Variants in HDAC4 observed in about 807,000 individuals in gnomAD.
HDAC4 encodes the protein histone deacetylase A.
In HDAC4, 16 loss-of-function variants were observed where a neutral mutation model predicts 135.1. The observed-to-expected ratio is 0.12, with a 90% confidence interval of 0.08 to 0.18. The LOEUF is 0.18. Among genes scored for constraint, HDAC4 ranks in the 10% least tolerant of loss-of-function variants. The pLI, the probability that HDAC4 is intolerant of heterozygous loss-of-function variation, is 1.00. For missense variants in HDAC4, 1,143 were observed against 1,511.8 expected, an observed-to-expected ratio of 0.76 and a Z score of 4.05; for synonymous variants, 685 against 653.4, an observed-to-expected ratio of 1.05 and a Z score of -0.74.
At chr2:239,398,871 AG>A in intron 1 of HDAC4, among the ~76,000 whole-genome samples, 1 of 152,352 alleles carries the variant, frequency 6.6e-6, no homozygotes, top group African/African-American at 2.4e-5. Context: ...CTCCCCTTGC[AG>A]GAGAAAGAAC....
At chr2:239,273,119 T>C (rs66724757) in intron 2 of HDAC4, among the ~76,000 whole-genome samples, 21,090 of 152,068 alleles carry the variant, frequency 0.14, 2,055 homozygotes, top group East Asian at 0.43. Context: ...TGAGGGATTA[T>C]CAGATAAATT....
chr2:239,225,489 TC>T (rs1055841961), intron 3 of HDAC4, among the ~76,000 whole-genome samples: 7 of 152,316 alleles, frequency 4.6e-5, no homozygotes, highest in Admixed American at 3.9e-4. Context: ...ATAGCTGGAC[TC>T]CCACCACCTG....
chr2:239,284,838 G>A (rs2051042574), intron 2 of HDAC4, among the ~76,000 whole-genome samples: 1 of 152,244 alleles, frequency 6.6e-6, no homozygotes, highest in Non-Finnish European at 1.5e-5. Flanking sequence ...AGTCTGGGCT[G>A]CAGACTGGGG....
chr2:239,378,154 T>C (rs1695157466), intron 1 of HDAC4, among the ~76,000 whole-genome samples: 1 of 152,060 alleles, frequency 6.6e-6, no homozygotes, highest in Admixed American at 6.6e-5. Flanking sequence ...CACATAGATC[T>C]GGCCCGGGAG....
At chr2:239,053,191 A>G in intron 26 of HDAC4, 55 bp from the exon 27 acceptor site, 6 of 1,603,890 alleles carry the variant, frequency 3.7e-6, no homozygotes, top group Non-Finnish European at 5.1e-6. Flanking sequence ...CACCACAGAG[A>G]GGAGAGAACA....
At chr2:239,390,714 G>A (rs1696141563) in intron 1 of HDAC4, among the ~76,000 whole-genome samples, 1 of 152,042 alleles carries the variant, frequency 6.6e-6, no homozygotes, top group Non-Finnish European at 1.5e-5. Flanking sequence ...CCTCCAGAGC[G>A]GCACTACCCC....
intron 2 of HDAC4, among the ~76,000 whole-genome samples, chr2:239,284,487 C>T (rs142818677): frequency 1.1e-3 from 164 of 152,288 alleles, no homozygotes; most frequent in African/African-American, 3.8e-3. Flanking sequence ...GCATTGTGGC[C>T]CTCGTAGTCA....
At chr2:239,367,940 T>C (rs1694329574) in intron 1 of HDAC4, among the ~76,000 whole-genome samples, 1 of 152,134 alleles carries the variant, frequency 6.6e-6, no homozygotes, top group Non-Finnish European at 1.5e-5. Context: ...ACCACACCAC[T>C]GCACTCCAGC....
intron 12 of HDAC4, 151 bp downstream of exon 12, chr2:239,126,305 G>T (rs2152850412): frequency 1.5e-6 from 2 of 1,306,038 alleles, no homozygotes; most frequent in Non-Finnish European, 2.1e-6. Flanking sequence ...CCAGCTCTGT[G>T]CTGTGGGCCA....
intron 7 of HDAC4, among the ~76,000 whole-genome samples, chr2:239,155,815 T>C (rs1250465443): frequency 6.6e-6 from 1 of 152,200 alleles, no homozygotes; most frequent in African/African-American, 2.4e-5. Flanking sequence ...CACACTGTCT[T>C]GCAGTTTGTA....
chr2:239,319,446 G>A (rs1312431124), intron 2 of HDAC4, among the ~76,000 whole-genome samples: 1 of 152,264 alleles, frequency 6.6e-6, no homozygotes, highest in Non-Finnish European at 1.5e-5. Context: ...CAGGCCAGGC[G>A]AGGGCCACCT....
At chr2:239,341,821 T>C (rs573510563) in intron 2 of HDAC4, among the ~76,000 whole-genome samples, 84 of 152,052 alleles carry the variant, frequency 5.5e-4, no homozygotes, top group African/African-American at 2.0e-3. Context: ...AATGTTGGCG[T>C]CCCCCCCAAA....
intron 3 of HDAC4, among the ~76,000 whole-genome samples, chr2:239,233,793 A>G (rs1468145832): frequency 2.6e-5 from 4 of 152,228 alleles, no homozygotes; most frequent in African/African-American, 4.8e-5. Flanking sequence ...GTACACACTC[A>G]TCTGTTCAAA....
intron 17 of HDAC4, among the ~76,000 whole-genome samples, chr2:239,093,360 C>T (rs562439024): frequency 1.6e-4 from 24 of 152,256 alleles, no homozygotes; most frequent in South Asian, 4.1e-4. Context: ...GCCCACACTT[C>T]GGCTCCCGAG....
At chr2:239,361,492 C>T (rs546267890) in intron 1 of HDAC4, among the ~76,000 whole-genome samples, 1 of 152,250 alleles carries the variant, frequency 6.6e-6, no homozygotes, top group East Asian at 1.9e-4. Context: ...CTGCTGTTGG[C>T]CCTCAGAATA....
Position 239,066,769 on chromosome 2 carries a change from T to C in HDAC4, c.2956A>G (p.Ile986Val). 6.2e-7 allele frequency: 1 copy of C among 1,613,896 alleles called. No homozygotes were observed. Among genetic ancestry groups the C allele is most frequent in the Non-Finnish European group, 8.5e-7 (1 of 1,180,032 alleles). ...ALEGGHDLTAICDASEACVSA... is the reference protein window; with the variant it reads ...ALEGGHDLTAVCDASEACVSA... The stretch of plus-strand genomic sequence containing the variant: ...ACACATGCTTCCGAGGCGTCGCAAA[T>C]GGCGGTCAGGTCGTGGCCTCCCTCG... Residue 986 changes from isoleucine to valine, a missense_variant, in exon 24 of 27, where the codon ATT becomes GTT. Ile to Val is a conservative substitution (Grantham distance 29, BLOSUM62 3). Around this residue, in one of 9 missense-constraint regions of HDAC4, gnomAD observed 189 missense variants for 317.6 expected, o/e 0.60. Coordinates refer to ENST00000543185, the MANE Select transcript of HDAC4 (RefSeq NM_001378414.1).
chr2:239,158,277 G>GTGAC (rs1309830847), intron 6 of HDAC4, among the ~76,000 whole-genome samples: 1 of 152,166 alleles, frequency 6.6e-6, no homozygotes, highest in Non-Finnish European at 1.5e-5. Context: ...TCAACACCAG[G>GTGAC]TGACAGTCTG....
At position 239,349,724 on chromosome 2, in the gene HDAC4, C is replaced by T. The variant is rs992502676; in HGVS notation, c.22+2954G>A. 3.9e-5 allele frequency among the ~76,000 whole-genome samples: 6 copies of T among 152,228 alleles called. No individual in the cohort carries two copies. The highest frequency in any genetic ancestry group is 3.3e-4 in the Admixed American group (5 of 15,286). On this transcript the variant is annotated intron_variant, in intron 2 of 26. Coordinates refer to ENST00000543185, the MANE Select transcript of HDAC4 (RefSeq NM_001378414.1). The surrounding 1 kb of genome is among the most constrained non-coding windows in gnomAD (Gnocchi z 5.7). ...GGGGTCCTGCCTCCCAAGGGACCTC[C>T]GGGCGGAAGGGCAGACACGGCAGGG...
At position 239,281,220 on chromosome 2, in the gene HDAC4, TACAC is replaced by T. The variant is rs1393271883; in HGVS notation, c.23-44560_23-44557del. Among the ~76,000 whole-genome samples, 12 of 127,252 alleles carry T rather than the reference TACAC, an allele frequency of 9.4e-5. 1 individual carries two copies. Among genetic ancestry groups the T allele is most frequent in the South Asian group, 2.6e-4 (1 of 3,796 alleles). 83.5% of individuals were successfully genotyped at this position (127,252 alleles called of 152,430 possible). On this transcript the variant is annotated intron_variant, in intron 2 of 26. Coordinates refer to ENST00000543185, the MANE Select transcript of HDAC4 (RefSeq NM_001378414.1). ...CCCCTCTACAATGAACACACCACTC[TACAC>T]ACAATGTACACACCACTCTCCACAC...
Sources: allele counts gnomAD v4.1 joint callset (sites outside exome capture counted in the v4.1 genomes callset), GRCh38; gene constraint gnomAD v4.1.1; regional missense constraint gnomAD v4.1.1; non-coding constraint Gnocchi (gnomAD v3.1); transcripts MANE v1.5; gene names NCBI Gene and HGNC (gene_info 2026-07-23, HGNC 2026-07-21).